POU2F1: variants seen among roughly 807,000 people sequenced by gnomAD.
The protein encoded by POU2F1 is POU domain, class 2, transcription factor 1.
A neutral mutation model predicts 84.9 loss-of-function variants in POU2F1; 16 were observed. The observed-to-expected ratio is 0.19, with a 90% CI of 0.13 to 0.29. The LOEUF (loss-of-function observed/expected upper bound fraction) is 0.29. Ranked by LOEUF, POU2F1 falls within the 10% of genes least tolerant of loss-of-function variation. The probability of loss-of-function intolerance (pLI) is 1.00; values close to 1 mark genes in which losing one functional copy is unlikely to be tolerated. For missense variants in POU2F1, 738 were observed against 942.6 expected, an observed-to-expected ratio of 0.78 and a Z score of 2.84; for synonymous variants, 368 against 368.3, an observed-to-expected ratio of 1.00 and a Z score of 0.01.
At chr1:167,373,821 C>G (rs1054699117) in intron 5 of POU2F1, among the ~76,000 whole-genome samples, 5 of 145,532 alleles carry the variant, frequency 3.4e-5, no homozygotes, top group Non-Finnish European at 7.6e-5. Context: ...AGTGGTGATT[C>G]TTTTTTTTTT....
Position 167,358,716 on chromosome 1 carries a change from C to CTTTTTTTTTTTTTTTTTTTTTTTTTT in POU2F1, c.128-6730_128-6729insTTTTTTTTTTTTTTTTTTTTTTTTTT, listed in dbSNP as rs1197814755. Among the ~76,000 whole-genome samples the CTTTTTTTTTTTTTTTTTTTTTTTTTT allele has an allele frequency of 4.7e-4, 18 of 38,356 alleles. 5 individuals carry two copies. Among genetic ancestry groups the CTTTTTTTTTTTTTTTTTTTTTTTTTT allele is most frequent in the African/African-American group, 1.1e-3 (15 of 14,016 alleles). 25.2% of individuals were successfully genotyped at this position (38,356 alleles called of 152,430 possible). A position where few individuals can be genotyped will look rare whatever the true frequency, so the allele number is the denominator to read the frequency against. ...TTCTTAATCTTTTTATTATCTGCAG[C>CTTTTTTTTTTTTTTTTTTTTTTTTTT]TTTTTTTTTTTTTTTTTTTTTGAGA... On this transcript the variant is annotated intron_variant, in intron 2 of 15. Coordinates refer to ENST00000367866, the MANE Select transcript of POU2F1 (RefSeq NM_002697.4).
At chr1:167,221,189 C>G (rs1316446538) in intron 1 of POU2F1, among the ~76,000 whole-genome samples, 1 of 151,590 alleles carries the variant, frequency 6.6e-6, no homozygotes, top group Non-Finnish European at 1.5e-5. Flanking sequence ...CTGCGATCCA[C>G]TGCCCTCCTC....
At chr1:167,232,583 CT>C (rs1418972245) in intron 1 of POU2F1, among the ~76,000 whole-genome samples, 1 of 152,178 alleles carries the variant, frequency 6.6e-6, no homozygotes. Context: ...TGGCTCATGC[CT>C]GTAATCCCAG....
intron 2 of POU2F1, among the ~76,000 whole-genome samples, chr1:167,349,107 T>C (rs995473713): frequency 1.3e-5 from 2 of 152,156 alleles, no homozygotes; most frequent in African/African-American, 2.4e-5. Flanking sequence ...ATTTTATTTT[T>C]TAACGTGGCC....
intron 1 of POU2F1, among the ~76,000 whole-genome samples, chr1:167,248,966 A>G (rs1557844566): frequency 6.6e-6 from 1 of 152,228 alleles, no homozygotes; most frequent in Non-Finnish European, 1.5e-5. Flanking sequence ...AAGAACTAGG[A>G]TTTAAACCCA....
intron 1 of POU2F1, among the ~76,000 whole-genome samples, chr1:167,238,170 A>G (rs1272497635): frequency 6.6e-6 from 1 of 152,064 alleles, no homozygotes; most frequent in African/African-American, 2.4e-5. Context: ...TTTGAGATGC[A>G]TTAATGTAAA....
chr1:167,370,003 G>A (rs1659907305), intron 3 of POU2F1, among the ~76,000 whole-genome samples, 158 bp from the exon 4 acceptor site: 1 of 152,054 alleles, frequency 6.6e-6, no homozygotes, highest in Non-Finnish European at 1.5e-5. Context: ...GGTTGAGAAG[G>A]GACTGAGCTT....
chr1:167,371,321 G>A (rs1659986634), intron 4 of POU2F1, among the ~76,000 whole-genome samples: 2 of 152,188 alleles, frequency 1.3e-5, no homozygotes, highest in African/African-American at 4.8e-5. Flanking sequence ...AAAACAGGTG[G>A]TGAGAAATAT....
At chr1:167,221,259 T>C (rs1425848386) in intron 1 of POU2F1, among the ~76,000 whole-genome samples, 1 of 150,696 alleles carries the variant, frequency 6.6e-6, no homozygotes, top group Non-Finnish European at 1.5e-5. Context: ...GCCCTCCTCC[T>C]CTGCCGGCCG....
At chr1:167,298,524 G>A (rs898404979) in intron 1 of POU2F1, among the ~76,000 whole-genome samples, 1 of 151,776 alleles carries the variant, frequency 6.6e-6, no homozygotes, top group African/African-American at 2.4e-5. Context: ...ATTTCTTATC[G>A]TAAAATAGAT....
At chr1:167,377,105 T>C (rs1023536182) in intron 7 of POU2F1, among the ~76,000 whole-genome samples, 5 of 152,152 alleles carry the variant, frequency 3.3e-5, no homozygotes, top group African/African-American at 1.2e-4. Flanking sequence ...GAAAAATCAA[T>C]AAGCTGTGTT....
At chr1:167,412,373 C>G in intron 14 of POU2F1, 69 bp downstream of exon 14, 1 of 1,321,406 alleles carries the variant, frequency 7.6e-7, no homozygotes, top group Non-Finnish European at 1.0e-6. Context: ...ACAGGGGAGA[C>G]TTTACATCAC....
intron 7 of POU2F1, chr1:167,380,529 C>A (rs1647456376): frequency 1.3e-5 from 2 of 152,158 alleles, no homozygotes. Flanking sequence ...ATTCCATTTT[C>A]TAAGATTATT....
intron 13 of POU2F1, among the ~76,000 whole-genome samples, chr1:167,409,737 T>C (rs1352667869): frequency 6.6e-6 from 1 of 152,198 alleles, no homozygotes; most frequent in Non-Finnish European, 1.5e-5. Flanking sequence ...GATTTGAAGG[T>C]GGCTGGAGAG....
intron 9 of POU2F1, among the ~76,000 whole-genome samples, chr1:167,390,804 T>C (rs1453577718): frequency 6.6e-6 from 1 of 151,918 alleles, no homozygotes; most frequent in Non-Finnish European, 1.5e-5. Flanking sequence ...AAGTAAAAAT[T>C]AATAAAAATT....
intron 1 of POU2F1, among the ~76,000 whole-genome samples, chr1:167,311,122 T>G (rs1387222777): frequency 1.3e-5 from 2 of 152,076 alleles, no homozygotes; most frequent in Non-Finnish European, 2.9e-5. Flanking sequence ...CCTATATAGA[T>G]TTAAGAAACT....
At chr1:167,385,908 TAAGAC>T (rs1485765167) in intron 8 of POU2F1, among the ~76,000 whole-genome samples, 1 of 152,114 alleles carries the variant, frequency 6.6e-6, no homozygotes, top group Non-Finnish European at 1.5e-5. Flanking sequence ...AAGTTAATAA[TAAGAC>T]AATCTGATTT....
At chr1:167,322,767 C>A (rs1179856357) in intron 1 of POU2F1, among the ~76,000 whole-genome samples, 2 of 152,182 alleles carry the variant, frequency 1.3e-5, no homozygotes, top group Non-Finnish European at 2.9e-5. Context: ...TGACAGTAAG[C>A]CAGTCATAAG....
At chr1:167,221,606 G>C (rs1175581560) in intron 1 of POU2F1, among the ~76,000 whole-genome samples, 1 of 150,514 alleles carries the variant, frequency 6.6e-6, no homozygotes, top group African/African-American at 2.4e-5. Flanking sequence ...GCAACCGGGG[G>C]TGCGCGCGGG....
Sources: gnomAD v4.1 joint callset for allele counts (sites outside exome capture counted in the v4.1 genomes callset) on GRCh38, gnomAD v4.1.1 for gene constraint, MANE v1.5 for transcripts, NCBI Gene and HGNC (gene_info 2026-07-23, HGNC 2026-07-21) for gene names.